The following CD96 variants were observed in gnomAD, a reference collection of about 807,000 sequenced individuals.
The protein encoded by CD96 is T-cell surface protein tactile.
A neutral mutation model predicts 71.3 loss-of-function variants in CD96; 70 were observed. That is an observed-to-expected ratio of 0.98 (90% CI 0.81 to 1.20). The LOEUF (loss-of-function observed/expected upper bound fraction) is 1.20, where lower values mean the gene tolerates loss of function less well. CD96 is among the 50% of genes most tolerant of loss of function. CD96 has a pLI of 0.00. For missense variants in CD96, 742 were observed against 677.5 expected (o/e 1.10, Z -1.06); for synonymous variants, 248 against 233.0 (o/e 1.06, Z -0.59).
At chr3:111,583,943 C>T (rs1025161816) in intron 4 of CD96, among the ~76,000 whole-genome samples, 15 of 152,236 alleles carry the variant, frequency 9.9e-5, no homozygotes, top group East Asian at 1.9e-4. Flanking sequence ...ATGCAAATTT[C>T]GGCAGCCAGC....
chr3:111,637,409 C>T (rs1939381454), intron 11 of CD96, 148 bp downstream of exon 11: 1 of 689,500 alleles, frequency 1.5e-6, no homozygotes, highest in East Asian at 2.7e-5. Flanking sequence ...TGAATGGAAA[C>T]AAAATTCTTC....
At chr3:111,573,749 T>G (rs1194497107) in intron 3 of CD96, among the ~76,000 whole-genome samples, 1 of 152,244 alleles carries the variant, frequency 6.6e-6, no homozygotes, top group Admixed American at 6.5e-5. Context: ...AAATATATCT[T>G]CAACATGCTC....
At chr3:111,578,910 A>G in intron 3 of CD96, 117 bp from the exon 4 acceptor site, 2 of 726,868 alleles carry the variant, frequency 2.8e-6, no homozygotes, top group Non-Finnish European at 5.1e-6. Context: ...TCTAATTTCA[A>G]TCCTTCATTC....
At chr3:111,640,445 A>G (rs1559773371) in intron 12 of CD96, among the ~76,000 whole-genome samples, 1 of 152,206 alleles carries the variant, frequency 6.6e-6, no homozygotes, top group Non-Finnish European at 1.5e-5. Flanking sequence ...GACAAAGAAA[A>G]AAGAATAAGA....
chr3:111,649,784 A>T lies in CD96; in HGVS notation c.1688A>T (p.Tyr563Phe), dbSNP rs780805890. ...IQEPNESDLP[Y>F]HEMETL is the part of the protein sequence containing the mutation. ...GAGCCCAACGAAAGTGATCTGCCTT[A>T]TCATGAGATGGAGACCCTCTAGTCT... Residue 563 changes from tyrosine (Y) to phenylalanine (F), a missense_variant, in exon 14 of 14, where the codon TAT (tyrosine) becomes TTT (phenylalanine). Coordinates refer to ENST00000352690, the MANE Select transcript of CD96 (RefSeq NM_005816.5). 1 of 1,608,898 alleles carries T rather than the reference A, an allele frequency of 6.2e-7. No individual in the cohort carries two copies. Among genetic ancestry groups the T allele is most frequent in the Non-Finnish European group, 8.5e-7 (1 of 1,175,176 alleles).
At chr3:111,636,874 AT>A (rs150872200) in intron 10 of CD96, among the ~76,000 whole-genome samples, 61 of 146,874 alleles carry the variant, frequency 4.2e-4, no homozygotes, top group African/African-American at 1.3e-3. Flanking sequence ...ATTCTCTTCC[AT>A]TTTTTTTTTG....
chr3:111,567,482 A>G (rs780911928), intron 2 of CD96, 41 bp from the exon 3 acceptor site: 2 of 1,573,390 alleles, frequency 1.3e-6, no homozygotes, highest in South Asian at 1.1e-5. Context: ...TTACAAACCA[A>G]TCAGAGATTC....
At chr3:111,562,645 A>G (rs1438311134) in intron 2 of CD96, among the ~76,000 whole-genome samples, 1 of 152,256 alleles carries the variant, frequency 6.6e-6, no homozygotes, top group East Asian at 1.9e-4. Flanking sequence ...TTATGCTCAA[A>G]TACTTAAATC....
intron 5 of CD96, among the ~76,000 whole-genome samples, chr3:111,587,692 T>C (rs1404353745): frequency 1.3e-5 from 2 of 152,170 alleles, no homozygotes; most frequent in East Asian, 1.9e-4. Context: ...CATCCAGGCA[T>C]TCCCATACAT....
chr3:111,638,318 G>C, intron 12 of CD96, 150 bp downstream of exon 12: 1 of 693,966 alleles, frequency 1.4e-6, no homozygotes, highest in Admixed American at 2.1e-5. Flanking sequence ...ATTAGTGATC[G>C]ATCATGTGTA....
intron 2 of CD96, among the ~76,000 whole-genome samples, chr3:111,556,895 T>C (rs1457416712): frequency 7.3e-6 from 1 of 137,276 alleles, no homozygotes; most frequent in Non-Finnish European, 1.6e-5. Context: ...ATGATTGTCA[T>C]TCTAACTGGT....
intron 3 of CD96, among the ~76,000 whole-genome samples, chr3:111,573,337 A>T (rs919573888): frequency 6.6e-6 from 1 of 152,252 alleles, no homozygotes; most frequent in Non-Finnish European, 1.5e-5. Flanking sequence ...CTGCAGGGAT[A>T]CAAAACTATA....
At chr3:111,659,007 T>G (rs1940295034) in intron 14 of CD96, among the ~76,000 whole-genome samples, 1 of 152,202 alleles carries the variant, frequency 6.6e-6, no homozygotes, top group South Asian at 2.1e-4. Flanking sequence ...GTGAATCCAT[T>G]GGGTCCAGGG....
intron 4 of CD96, among the ~76,000 whole-genome samples, chr3:111,583,538 C>T (rs542190899): frequency 7.9e-5 from 12 of 152,350 alleles, no homozygotes; most frequent in East Asian, 1.9e-4. Context: ...ATGAGGGCCC[C>T]GCCCTTGCAG....
chr3:111,620,061 G>A (rs370891630), intron 8 of CD96, among the ~76,000 whole-genome samples: 1 of 152,228 alleles, frequency 6.6e-6, no homozygotes, highest in Admixed American at 6.5e-5. Context: ...TCCATGACAT[G>A]TGAGACCACA....
chr3:111,554,893 G>C (rs1295562179), intron 2 of CD96, among the ~76,000 whole-genome samples: 3 of 151,918 alleles, frequency 2.0e-5, no homozygotes, highest in Non-Finnish European at 4.4e-5. Context: ...ATCTGGGGGT[G>C]ATGGGAAACA....
chr3:111,647,597 C>G lies in CD96; in HGVS notation c.1532C>G (p.Ala511Gly). The G allele has an allele frequency of 6.2e-7, 1 of 1,611,436 alleles. No individual in the cohort carries two copies. The highest frequency in any genetic ancestry group is 8.5e-7 in the Non-Finnish European group (1 of 1,177,684). Reference protein sequence around the residue: ...DGMSWPVIVAALLFCCMILFG... With the variant: ...DGMSWPVIVAGLLFCCMILFG... ...ATGTCCTGGCCAGTGATTGTAGCAG[C>G]TTTACTCTTTTGCTGCATGATATTG... The change falls in exon 13 of 14, where the codon GCT (alanine) becomes GGT (glycine). Residue 511 changes from alanine (A) to glycine (G), a missense_variant. Coordinates refer to ENST00000352690, the MANE Select transcript of CD96 (RefSeq NM_005816.5).
chr3:111,550,817 G>C (rs1177397415), intron 2 of CD96, among the ~76,000 whole-genome samples: 3 of 152,050 alleles, frequency 2.0e-5, no homozygotes. Context: ...TTGGATTTTT[G>C]GTCTGTGTTG....
At chr3:111,663,135 G>T (rs143744327) in intron 14 of CD96, among the ~76,000 whole-genome samples, 27 of 152,282 alleles carry the variant, frequency 1.8e-4, no homozygotes, top group South Asian at 6.2e-4. Flanking sequence ...GAACAAAGGA[G>T]GAAGTCCTAC....
Sources: gnomAD v4.1 joint callset for allele counts (sites outside exome capture counted in the v4.1 genomes callset) on GRCh38, gnomAD v4.1.1 for gene constraint, MANE v1.5 for transcripts, NCBI Gene and HGNC (gene_info 2026-07-23, HGNC 2026-07-21) for gene names.